The following SLC30A8 variants were observed in gnomAD, a reference collection of about 807,000 sequenced individuals.
SLC30A8 encodes the protein solute carrier family 30 member 8.
SLC30A8 carries 27 observed loss-of-function variants against 36.9 expected under a neutral mutation model. That is an observed-to-expected ratio of 0.73 (90% confidence interval 0.54 to 1.01). The LOEUF is 1.01. Among genes scored for constraint, SLC30A8 ranks in the 50% least tolerant of loss-of-function variants. SLC30A8 has a pLI of 0.00. For missense variants in SLC30A8, 439 were observed against 452.0 expected (o/e 0.97, Z 0.26); for synonymous variants, 164 against 172.4 (o/e 0.95, Z 0.38).
intron 1 of SLC30A8, among the ~76,000 whole-genome samples, chr8:117,004,174 C>G (rs1423847033): frequency 2.0e-5 from 3 of 152,196 alleles, no homozygotes; most frequent in Admixed American, 6.5e-5. Flanking sequence ...TTAATACCCA[C>G]AGTCACCTTT....
chr8:117,078,258 T>A (rs1293783390), intron 2 of SLC30A8, among the ~76,000 whole-genome samples: 1 of 152,348 alleles, frequency 6.6e-6, no homozygotes, highest in East Asian at 1.9e-4. Context: ...TTCCCATTGA[T>A]GGATAGTTAG....
upstream of SLC30A8, chr8:117,130,196 G>T (rs1454677952): frequency 2.0e-5 from 3 of 152,084 alleles, no homozygotes; most frequent in Admixed American, 6.6e-5. Flanking sequence ...AAAGACAGCT[G>T]CTGTCCCTTG....
At chr8:116,996,534 C>T (rs1815826146) in intron 1 of SLC30A8, among the ~76,000 whole-genome samples, 1 of 152,062 alleles carries the variant, frequency 6.6e-6, no homozygotes, top group South Asian at 2.1e-4. Context: ...TACTTGTTCT[C>T]CCTAAACCCC....
chr8:116,996,693 C>T (rs992307575), intron 1 of SLC30A8, among the ~76,000 whole-genome samples: 1 of 151,960 alleles, frequency 6.6e-6, no homozygotes, highest in East Asian at 1.9e-4. Flanking sequence ...ATAGGCAAAC[C>T]CCGTGTATGC....
At chr8:117,152,058 C>T (rs1051571629) in intron 2 of SLC30A8, among the ~76,000 whole-genome samples, 4 of 152,086 alleles carry the variant, frequency 2.6e-5, no homozygotes, top group East Asian at 1.9e-4. Flanking sequence ...CTGATGATGG[C>T]GGGGCTGATG....
At chr8:117,008,492 C>A (rs1331904665) in intron 1 of SLC30A8, among the ~76,000 whole-genome samples, 1 of 152,132 alleles carries the variant, frequency 6.6e-6, no homozygotes, top group Non-Finnish European at 1.5e-5. Flanking sequence ...TTTGTACCTG[C>A]CCCCAAAGTC....
At chr8:117,083,465 C>T (rs1818742273) in intron 2 of SLC30A8, among the ~76,000 whole-genome samples, 1 of 152,128 alleles carries the variant, frequency 6.6e-6, no homozygotes, top group Non-Finnish European at 1.5e-5. Context: ...CTGTGAAGAA[C>T]CATTTGAGCT....
At chr8:117,025,410 T>G (rs542332415) in intron 1 of SLC30A8, among the ~76,000 whole-genome samples, 18 of 152,332 alleles carry the variant, frequency 1.2e-4, no homozygotes, top group African/African-American at 4.1e-4. Flanking sequence ...AAAGTAGATT[T>G]CTCAGTGAAA....
chr8:116,973,959 A>G (rs924323228), intron 1 of SLC30A8, among the ~76,000 whole-genome samples: 5 of 152,206 alleles, frequency 3.3e-5, no homozygotes, highest in Non-Finnish European at 5.9e-5. Flanking sequence ...TATTTAATAA[A>G]TGGTGCTGGG....
At chr8:117,105,477 T>C (rs556979532) in intron 2 of SLC30A8, among the ~76,000 whole-genome samples, 1 of 152,260 alleles carries the variant, frequency 6.6e-6, no homozygotes, top group African/African-American at 2.4e-5. Flanking sequence ...TGTACACATA[T>C]GTGTGTTCTT....
chr8:117,164,217 GCCCTA>G (rs1213592677), intron 6 of SLC30A8: 4 of 152,296 alleles, frequency 2.6e-5, no homozygotes, highest in Non-Finnish European at 4.4e-5. Flanking sequence ...AATAGCCACT[GCCCTA>G]CAGCCTGGGC....
upstream of SLC30A8, among the ~76,000 whole-genome samples, chr8:117,132,721 T>C (rs1197300898): frequency 6.6e-6 from 1 of 151,970 alleles, no homozygotes; most frequent in African/African-American, 2.4e-5. Context: ...GATGAGAGAT[T>C]TTTCATAAAT....
At chr8:116,983,068 A>AT (rs1475001387) in intron 1 of SLC30A8, among the ~76,000 whole-genome samples, 1 of 152,252 alleles carries the variant, frequency 6.6e-6, no homozygotes, top group Non-Finnish European at 1.5e-5. Context: ...GACCAAGTGC[A>AT]TTTTTTGGGA....
At chr8:116,952,790 G>A (rs1449941557) in intron 1 of SLC30A8, among the ~76,000 whole-genome samples, 1 of 152,150 alleles carries the variant, frequency 6.6e-6, no homozygotes, top group Non-Finnish European at 1.5e-5. Flanking sequence ...GATAATGTGA[G>A]TAAGCATCTT....
intron 1 of SLC30A8, among the ~76,000 whole-genome samples, chr8:117,032,532 G>T (rs1191927745): frequency 1.3e-5 from 2 of 152,116 alleles, no homozygotes; most frequent in Admixed American, 6.6e-5. Flanking sequence ...CATGTTTTGG[G>T]CATGTGCCTG....
chr8:117,064,715 T>G (rs1031058134), intron 2 of SLC30A8, among the ~76,000 whole-genome samples: 1 of 152,148 alleles, frequency 6.6e-6, no homozygotes, highest in Admixed American at 6.5e-5. Flanking sequence ...AGGACCTATG[T>G]GTGGGAAAAT....
chr8:116,952,528 T>C (rs1038685253), intron 1 of SLC30A8, among the ~76,000 whole-genome samples: 39 of 152,040 alleles, frequency 2.6e-4, no homozygotes, highest in African/African-American at 9.4e-4. Context: ...CTCTGCAAAC[T>C]CCGCCTTCCG....
At chr8:117,064,113 T>A (rs1303562528) in intron 2 of SLC30A8, among the ~76,000 whole-genome samples, 1 of 152,092 alleles carries the variant, frequency 6.6e-6, no homozygotes, top group Non-Finnish European at 1.5e-5. Context: ...AGCCTCAGCC[T>A]CCTGAGTAGC....
At chr8:117,073,482 ACTC>A (rs532970822) in intron 2 of SLC30A8, among the ~76,000 whole-genome samples, 110 of 151,202 alleles carry the variant, frequency 7.3e-4, no homozygotes, top group African/African-American at 2.4e-3. Flanking sequence ...CTAGTCTTGA[ACTC>A]CTGATCTGAA....
Sources: allele counts gnomAD v4.1 joint callset (sites outside exome capture counted in the v4.1 genomes callset), GRCh38; gene constraint gnomAD v4.1.1; transcripts MANE v1.5; gene names NCBI Gene and HGNC (gene_info 2026-07-23, HGNC 2026-07-21).